The following GNL3L variants were observed in gnomAD, a reference collection of about 807,000 sequenced individuals.
GNL3L encodes G protein nucleolar 3 like.
GNL3L carries 4 observed loss-of-function variants against 42.9 expected under a neutral mutation model. That is an observed-to-expected ratio of 0.09 (90% CI 0.05 to 0.21). GNL3L has a LOEUF of 0.21. Ranked by LOEUF, GNL3L falls within the 10% of genes least tolerant of loss-of-function variation. The pLI, the probability that GNL3L is intolerant of heterozygous loss-of-function variation, is 1.00. For missense variants in GNL3L, 412 were observed against 481.7 expected, an observed-to-expected ratio of 0.86 and a Z score of 1.36; for synonymous variants, 159 against 176.3, an observed-to-expected ratio of 0.90 and a Z score of 0.78.
intron 3 of GNL3L, among the ~76,000 whole-genome samples, chrX:54,539,538 A>G (rs1180795107): frequency 1.8e-5 from 2 of 110,876 alleles, no homozygotes; most frequent in African/African-American, 6.6e-5. Context: ...AGAAGAAGGT[A>G]TAGGCCAGAG....
At chrX:54,591,914 A>G (rs192560296) in intron 16 of GNL3L, among the ~76,000 whole-genome samples, 12 of 111,818 alleles carry the variant, frequency 1.1e-4, no homozygotes, top group Admixed American at 1.0e-3. Context: ...GGTTATATGG[A>G]CATTTTAATA....
At chrX:54,595,067 A>G (rs1288756109) in intron 16 of GNL3L, among the ~76,000 whole-genome samples, 1 of 112,014 alleles carries the variant, frequency 8.9e-6, no homozygotes, top group Non-Finnish European at 1.9e-5. Flanking sequence ...CACAGTTACA[A>G]TGTTATAATA....
intron 2 of GNL3L, among the ~76,000 whole-genome samples, chrX:54,537,241 C>T (rs1018988637): frequency 1.8e-5 from 2 of 109,256 alleles, no homozygotes; most frequent in East Asian, 2.9e-4. Context: ...CTGGATTAGT[C>T]GCAAACTCCT....
chrX:54,574,687 G>T (rs1925611257), intron 16 of GNL3L, among the ~76,000 whole-genome samples: 2 of 112,098 alleles, frequency 1.8e-5, no homozygotes, highest in Admixed American at 9.5e-5. Context: ...AAGAATTTGT[G>T]AAAGATTGTT....
chrX:54,586,628 A>G (rs1325497788), intron 16 of GNL3L, among the ~76,000 whole-genome samples: 2 of 112,454 alleles, frequency 1.8e-5, no homozygotes, highest in Non-Finnish European at 3.8e-5. Flanking sequence ...AGGGAAAGCA[A>G]TCTTGCCCTC....
At chrX:54,618,311 C>T (rs748775742) in intron 16 of GNL3L, among the ~76,000 whole-genome samples, 4 of 111,893 alleles carry the variant, frequency 3.6e-5, no homozygotes, top group Non-Finnish European at 7.5e-5. Context: ...TGCTCCTCCT[C>T]CTGGCTTTCC....
At chrX:54,619,284 TTAC>T (rs1369368648) in intron 16 of GNL3L, among the ~76,000 whole-genome samples, 4 of 111,131 alleles carry the variant, frequency 3.6e-5, no homozygotes, top group Non-Finnish European at 7.5e-5. Flanking sequence ...ACATAAAAGA[TTAC>T]TAAGCTGCTT....
intron 16 of GNL3L, among the ~76,000 whole-genome samples, chrX:54,579,362 C>T (rs1747049509): frequency 2.7e-5 from 3 of 111,203 alleles, no homozygotes; most frequent in Admixed American, 1.9e-4. Flanking sequence ...AAGTCTATTA[C>T]CATTTCAATT....
intron 16 of GNL3L, among the ~76,000 whole-genome samples, chrX:54,598,957 A>G: frequency 8.9e-6 from 1 of 112,226 alleles, no homozygotes; most frequent in East Asian, 2.8e-4. Context: ...TTGAAGTAAC[A>G]ATGGCTGAGA....
downstream of GNL3L, among the ~76,000 whole-genome samples, chrX:54,568,421 G>A (rs1445993918): frequency 9.0e-6 from 1 of 111,731 alleles, no homozygotes; most frequent in Non-Finnish European, 1.9e-5. Context: ...CAAAATTGGT[G>A]TTGTCAGGGT....
At chrX:54,630,625 TATA>T in the GNL3L span, among the ~76,000 whole-genome samples, 2 of 109,093 alleles carry the variant, frequency 1.8e-5, no homozygotes, top group South Asian at 8.2e-4. Context: ...GAGTACTTGG[TATA>T]ATTTCGATTT....
In GNL3L at chrX:54,556,551, G is replaced by T. The variant is rs112027922; in HGVS notation, c.1446+1859G>T. ...CCTGAGGAGTTCTCTGGGCAAGGGG[G>T]TCAGCAGCATGTGGTCCAGGACCCA... On this transcript the variant is annotated intron_variant, in intron 14 of 15. Transcript: ENST00000360845. Among the ~76,000 whole-genome samples, 303 of 110,968 alleles carry T rather than the reference G, an allele frequency of 2.7e-3. 2 individuals are homozygous for T. The highest frequency in any genetic ancestry group is 9.3e-3 in the African/African-American group (283 of 30,545).
At position 54,561,438 on chromosome X, in the gene GNL3L, C is replaced by T. The variant is rs1023558939; in HGVS notation, c.*836C>T. Among the ~76,000 whole-genome samples, 1 of 112,176 alleles carries T rather than the reference C, an allele frequency of 8.9e-6. No individual in the cohort carries two copies. Among genetic ancestry groups the T allele is most frequent in the Non-Finnish European group, 1.9e-5 (1 of 53,239 alleles). ...AGAAAAAGTAGAAAGTAATGAGCCT[C>T]CTGTGTCTCTGGAAGGTTCTAGGGA... On this transcript the variant is annotated 3_prime_UTR_variant, in exon 16 of 16. Transcript: ENST00000360845.
At chrX:54,533,742 C>T (rs1222540089) in intron 2 of GNL3L, among the ~76,000 whole-genome samples, 1 of 110,334 alleles carries the variant, frequency 9.1e-6, no homozygotes, top group Non-Finnish European at 1.9e-5. Context: ...GAATTGCAGG[C>T]GTGAACCACC....
chrX:54,592,345 T>C (rs141213531), intron 16 of GNL3L, among the ~76,000 whole-genome samples: 10,483 of 111,737 alleles, frequency 0.094, 492 homozygotes, highest in Non-Finnish European at 0.13. Context: ...TCCAGTATTA[T>C]GTTGAATAAC....
rs372171430 is a variant in GNL3L at position 54,615,400 on chromosome X, G to T, written c.*46-5445G>T. ...TGAACATACAGGTACATGTATTTGC[G>T]TACTAGTTTTCATTTCTTTTGGGTA... On this transcript the variant is annotated intron_variant, in intron 16 of 16. Coordinates refer to the GNL3L transcript ENST00000674498. Among the ~76,000 whole-genome samples the T allele has an allele frequency of 2.7e-5, 3 of 111,837 alleles. No homozygotes were observed. The South Asian group carries it at 1.1e-3, about 42-fold the overall frequency.
chrX:54,555,460 GTTTC>G (rs960089213), intron 14 of GNL3L, among the ~76,000 whole-genome samples: 3 of 107,155 alleles, frequency 2.8e-5, no homozygotes, highest in Non-Finnish European at 3.9e-5. Context: ...ATGTCCCAAG[GTTTC>G]TTTCTTTCTT....
At chrX:54,637,309 CTG>C in the GNL3L span, among the ~76,000 whole-genome samples, 1 of 111,684 alleles carries the variant, frequency 9.0e-6, no homozygotes, top group Admixed American at 9.5e-5. Flanking sequence ...TGGTAATTGT[CTG>C]TTTCTCTCAG....
At chrX:54,629,083 G>T in the GNL3L span, among the ~76,000 whole-genome samples, 1 of 108,320 alleles carries the variant, frequency 9.2e-6, no homozygotes, top group African/African-American at 3.3e-5. Flanking sequence ...TTGGTGTATA[G>T]TAGGGCTACT....
Sources: allele counts gnomAD v4.1 joint callset (sites outside exome capture counted in the v4.1 genomes callset), GRCh38; gene constraint gnomAD v4.1.1; transcripts MANE v1.5; gene names NCBI Gene and HGNC (gene_info 2026-07-23, HGNC 2026-07-21).